Variants in BCAS4 observed in about 807,000 individuals in gnomAD.
BCAS4 encodes the protein breast carcinoma amplified sequence 4.
In BCAS4, 9 loss-of-function variants were observed where a neutral mutation model predicts 15.7. The observed-to-expected ratio is 0.57, with a 90% confidence interval of 0.34 to 1.00. The LOEUF is 1.00. Among genes scored for constraint, BCAS4 ranks in the 50% least tolerant of loss-of-function variants. The probability of loss-of-function intolerance (pLI) is 0.02; values close to 1 mark genes in which losing one functional copy is unlikely to be tolerated. For synonymous variants in BCAS4, 101 were observed against 99.5 expected (o/e 1.02, Z -0.09); for missense variants, 225 against 239.1 (o/e 0.94, Z 0.39).
chr20:50,871,064 G>T (rs892668877), intron 4 of BCAS4, among the ~76,000 whole-genome samples: 1 of 152,230 alleles, frequency 6.6e-6, no homozygotes, highest in Non-Finnish European at 1.5e-5. Flanking sequence ...ATTCCCAGCC[G>T]GAGGGCGAGA....
intron 1 of BCAS4, among the ~76,000 whole-genome samples, chr20:50,811,686 G>C (rs1022001013): frequency 1.3e-5 from 2 of 151,880 alleles, no homozygotes; most frequent in African/African-American, 4.8e-5. Flanking sequence ...GCAGTGGCAC[G>C]ATCTTGGCTT....
intron 1 of BCAS4, among the ~76,000 whole-genome samples, chr20:50,809,939 T>G (rs892569447): frequency 6.6e-6 from 1 of 152,214 alleles, no homozygotes; most frequent in Non-Finnish European, 1.5e-5. Context: ...TACTGATTTG[T>G]GTACATTGGT....
At chr20:50,843,740 C>T (rs1157854189) in intron 4 of BCAS4, among the ~76,000 whole-genome samples, 1 of 152,258 alleles carries the variant, frequency 6.6e-6, no homozygotes, top group Non-Finnish European at 1.5e-5. Context: ...TTCAGACAAA[C>T]TCCATTTCTT....
At chr20:50,815,884 C>T (rs566091748) in intron 1 of BCAS4, among the ~76,000 whole-genome samples, 12 of 152,232 alleles carry the variant, frequency 7.9e-5, no homozygotes, top group Admixed American at 4.6e-4. Flanking sequence ...TGGAGCAGGA[C>T]GGTGTGGCCT....
In BCAS4 at chr20:50,820,177, G is replaced by A. The variant is rs190184118; in HGVS notation, c.162+1895G>A. ...GGGCACTTTCTCATGAATGGGCCCCGTCATAAACTTGAGTATGCAAAGAGA... is the reference window on the plus strand; with the variant it reads ...GGGCACTTTCTCATGAATGGGCCCCATCATAAACTTGAGTATGCAAAGAGA... On this transcript the variant is annotated intron_variant, in intron 2 of 4. Coordinates refer to ENST00000371608, the MANE Select transcript of BCAS4 (RefSeq NM_198799.4). Among the ~76,000 whole-genome samples, 70 of 152,278 alleles carry A rather than the reference G, an allele frequency of 4.6e-4. No homozygotes were observed. The East Asian group carries it at 6.4e-3, about 14-fold the overall frequency.
intron 4 of BCAS4, among the ~76,000 whole-genome samples, chr20:50,862,832 C>T (rs1979158043): frequency 6.6e-6 from 1 of 152,016 alleles, no homozygotes; most frequent in Non-Finnish European, 1.5e-5. Context: ...GCACTCAGGG[C>T]TTTTTTTGTT....
At chr20:50,816,791 A>ATTTTTTT (rs35600563) in intron 1 of BCAS4, among the ~76,000 whole-genome samples, 1,160 of 80,918 alleles carry the variant, frequency 0.014, 41 homozygotes, top group African/African-American at 0.027. Context: ...TGCCTGGCTA[A>ATTTTTTT]TTTTTTTTTT....
intron 1 of BCAS4, among the ~76,000 whole-genome samples, chr20:50,811,955 C>T (rs1439098377): frequency 2.6e-5 from 4 of 152,122 alleles, no homozygotes; most frequent in East Asian, 1.9e-4. Context: ...TCATGTCATG[C>T]GTGACCTTTT....
chr20:50,811,082 T>A (rs1386643139), intron 1 of BCAS4, among the ~76,000 whole-genome samples: 2 of 152,030 alleles, frequency 1.3e-5, no homozygotes, highest in African/African-American at 4.8e-5. Context: ...GGCCCTGCGG[T>A]GAGGCTGTGG....
intron 2 of BCAS4, among the ~76,000 whole-genome samples, chr20:50,828,162 A>G (rs1002168902): frequency 6.6e-6 from 1 of 151,718 alleles, no homozygotes; most frequent in Non-Finnish European, 1.5e-5. Flanking sequence ...ACCACATGCC[A>G]CCCTCTCAGG....
At chr20:50,845,014 C>T (rs916044741) in intron 4 of BCAS4, among the ~76,000 whole-genome samples, 3 of 152,088 alleles carry the variant, frequency 2.0e-5, no homozygotes, top group African/African-American at 7.2e-5. Context: ...TGTGGCTGCT[C>T]CAGGGTGTGA....
At chr20:50,882,151 C>T (rs1160291958), downstream of BCAS4, 2 of 151,350 alleles carry the variant, frequency 1.3e-5, no homozygotes, top group African/African-American at 4.9e-5. Context: ...CCACTGCACT[C>T]CAGCCTGGAT....
chr20:50,872,263 CA>C (rs71192504), intron 4 of BCAS4, among the ~76,000 whole-genome samples: 27,591 of 61,724 alleles, frequency 0.45, 4,694 homozygotes, highest in East Asian at 0.62. Flanking sequence ...GACTCTGTCT[CA>C]AAAAAAAAAA....
chr20:50,874,350 C>A (rs531662398), intron 4 of BCAS4, among the ~76,000 whole-genome samples: 1 of 152,284 alleles, frequency 6.6e-6, no homozygotes, highest in Admixed American at 6.5e-5. Flanking sequence ...CTCTATACCC[C>A]TGTTCTCCTG....
chr20:50,858,105 CTTCA>C (rs752689196), intron 4 of BCAS4, among the ~76,000 whole-genome samples: 3 of 152,172 alleles, frequency 2.0e-5, no homozygotes, highest in Non-Finnish European at 4.4e-5. Context: ...TCCACCCCAT[CTTCA>C]TTCATTCATT....
chr20:50,847,547 G>T (rs1280406459), intron 4 of BCAS4, among the ~76,000 whole-genome samples: 2 of 152,176 alleles, frequency 1.3e-5, no homozygotes, highest in Admixed American at 1.3e-4. Context: ...CACAAGGGAG[G>T]TGCTATTTCT....
At chr20:50,840,855 G>C in intron 3 of BCAS4, 1 of 873,222 alleles carries the variant, frequency 1.1e-6, no homozygotes, top group Non-Finnish European at 1.9e-6. Context: ...TTGAGACGGA[G>C]TTTCACTCTT....
chr20:50,861,697 C>T (rs75686691), intron 4 of BCAS4, among the ~76,000 whole-genome samples: 5 of 152,064 alleles, frequency 3.3e-5, no homozygotes, highest in Admixed American at 1.3e-4. Flanking sequence ...CATCTCCCCC[C>T]GCTCCAGCCC....
At chr20:50,880,303 C>G (rs922705517), downstream of BCAS4, 2 of 152,244 alleles carry the variant, frequency 1.3e-5, no homozygotes, top group Non-Finnish European at 2.9e-5. Context: ...CATCACCAAC[C>G]CCTAACCTCA....
Sources: gnomAD v4.1 joint callset for allele counts (sites outside exome capture counted in the v4.1 genomes callset) on GRCh38, gnomAD v4.1.1 for gene constraint, MANE v1.5 for transcripts, NCBI Gene and HGNC (gene_info 2026-07-23, HGNC 2026-07-21) for gene names.